OVOL2: variants seen among roughly 807,000 people sequenced by gnomAD.
OVOL2 encodes the protein transcription factor Ovo-like 2.
Under a neutral mutation model 18.1 loss-of-function variants are expected in OVOL2, and 13 were observed. The observed-to-expected ratio is 0.72, with a 90% confidence interval of 0.47 to 1.14. OVOL2 has a LOEUF of 1.14. OVOL2 is among the 50% of genes most tolerant of loss of function. The pLI, the probability that OVOL2 is intolerant of heterozygous loss-of-function variation, is 0.00. For missense variants in OVOL2, 335 were observed against 383.0 expected (o/e 0.87, Z 1.05); for synonymous variants, 166 against 162.7 (o/e 1.02, Z -0.16).
intron 2 of OVOL2, among the ~76,000 whole-genome samples, chr20:18,048,373 G>T (rs574259825): frequency 6.6e-6 from 1 of 152,022 alleles, no homozygotes; most frequent in Non-Finnish European, 1.5e-5. Flanking sequence ...AAAACAAAAC[G>T]AAACTAAAAA....
rs2036833807 is a variant in OVOL2 at position 18,056,907 on chromosome 20, A to G, written c.101-30T>C. ...GGAGGGAGGGGCCGCGCCCCGACACACACACTCGGCGTCAACCCGCACGCC... is the reference window on the plus strand; with the variant it reads ...GGAGGGAGGGGCCGCGCCCCGACACGCACACTCGGCGTCAACCCGCACGCC... On this transcript the variant is annotated intron_variant, in intron 1 of 3. Coordinates refer to ENST00000278780, the MANE Select transcript of OVOL2 (RefSeq NM_021220.4). The surrounding 1 kb of genome is among the most constrained non-coding windows in gnomAD (Gnocchi z 4.2). 2.7e-6 allele frequency: 4 copies of G among 1,472,724 alleles called. No individual in the cohort carries two copies. Among genetic ancestry groups the G allele is most frequent in the South Asian group, 1.3e-5 (1 of 77,182 alleles). The allele number at this position is 1,472,724 out of a possible 1,614,324, so 91.2% of individuals were successfully genotyped here.
intron 3 of OVOL2, among the ~76,000 whole-genome samples, chr20:18,037,149 A>T (rs1351090678): frequency 1.3e-5 from 2 of 151,272 alleles, no homozygotes; most frequent in Non-Finnish European, 3.0e-5. Flanking sequence ...AAAAAAAAAA[A>T]AAAAGAAAGA....
intron 3 of OVOL2, among the ~76,000 whole-genome samples, chr20:18,040,579 T>G (rs560178593): frequency 6.6e-6 from 1 of 152,056 alleles, no homozygotes; most frequent in African/African-American, 2.4e-5. Context: ...GTGTGGACAA[T>G]GGAGCTCAGG....
chr20:18,056,336 G>T lies in OVOL2; in HGVS notation c.321+321C>A, dbSNP rs918499002. On this transcript the variant is annotated intron_variant, in intron 2 of 3. Coordinates refer to ENST00000278780, the MANE Select transcript of OVOL2 (RefSeq NM_021220.4). This position sits in a 1 kb window ranked among gnomAD's most constrained non-coding sequence, Gnocchi z 4.2. Reference sequence around the variant, plus strand: ...ATTCTACAGGCCTAGCGCACAGAACGGGCTGCTGGCGGAAGGCAGTGATGC... The same window carrying T: ...ATTCTACAGGCCTAGCGCACAGAACTGGCTGCTGGCGGAAGGCAGTGATGC... 1.3e-5 allele frequency among the ~76,000 whole-genome samples: 2 copies of T among 152,248 alleles called. No homozygotes were observed.
Position 18,057,441 on chromosome 20 carries a change from G to A in OVOL2, c.100+94C>T. On this transcript the variant is annotated intron_variant, in intron 1 of 3. Transcript: ENST00000278780. The surrounding 1 kb of genome is among the most constrained non-coding windows in gnomAD (Gnocchi z 6.3). ...CCCCCGGAAGAGGGGGATGAGGTGG[G>A]GAGCCCGCCCCTGCCGATGAGCAGA... is the stretch of plus-strand genomic sequence containing the variant. 2 of 1,413,696 alleles carry A rather than the reference G, an allele frequency of 1.4e-6. No individual in the cohort carries two copies. The highest frequency in any genetic ancestry group is 1.9e-6 in the Non-Finnish European group (2 of 1,043,632). The allele number at this position is 1,413,696 out of a possible 1,614,324, so 87.6% of individuals were successfully genotyped here. A position where few individuals can be genotyped will look rare whatever the true frequency, so the allele number is the denominator to read the frequency against.
At position 18,057,242 on chromosome 20, in the gene OVOL2, G is replaced by A. The variant is rs1235618124; in HGVS notation, c.100+293C>T. ...CCCCCATGAGGACGTGAGATTGGGG[G>A]TAGCCTCTGCTGGCTTTCAATCCCT... On this transcript the variant is annotated intron_variant, in intron 1 of 3. Coordinates refer to ENST00000278780, the MANE Select transcript of OVOL2 (RefSeq NM_021220.4). The surrounding 1 kb of genome is among the most constrained non-coding windows in gnomAD (Gnocchi z 6.3). Among the ~76,000 whole-genome samples, 1 of 152,148 alleles carries A rather than the reference G, an allele frequency of 6.6e-6. No homozygotes were observed. Among genetic ancestry groups the A allele is most frequent in the African/African-American group, 2.4e-5 (1 of 41,428 alleles).
At position 18,024,788 on chromosome 20, in the gene OVOL2, G is replaced by T. The variant is rs1455590349; in HGVS notation, c.676C>A (p.Gln226Lys). The T allele has an allele frequency of 6.2e-7, 1 of 1,614,212 alleles. No individual in the cohort carries two copies. Among genetic ancestry groups the T allele is most frequent in the Non-Finnish European group, 8.5e-7 (1 of 1,180,042 alleles). Reference sequence around the variant, plus strand: ...TTCACGTGCAGGTACAGGTCCTCCTGGGTGGGGCCCGTGTAGCCGCAATCC... The same window carrying T: ...TTCACGTGCAGGTACAGGTCCTCCTTGGTGGGGCCCGTGTAGCCGCAATCC... ...CEDCGYTGPT[Q>K]EDLYLHVNSA... Residue 226 changes from glutamine to lysine, a missense_variant, in exon 4 of 4, where the codon CAG (glutamine) becomes AAG (lysine). Physicochemically the swap from Gln to Lys is moderately conservative, Grantham distance 53. Coordinates refer to ENST00000278780, the MANE Select transcript of OVOL2 (RefSeq NM_021220.4).
At chr20:18,047,265 C>T (rs1022923987) in intron 2 of OVOL2, among the ~76,000 whole-genome samples, 1 of 152,156 alleles carries the variant, frequency 6.6e-6, no homozygotes, top group Admixed American at 6.5e-5. Flanking sequence ...GTAATCCCAG[C>T]ACTTCAGGAG....
intron 2 of OVOL2, among the ~76,000 whole-genome samples, chr20:18,049,592 C>G (rs567760203): frequency 1.3e-5 from 2 of 149,558 alleles, no homozygotes; most frequent in African/African-American, 4.9e-5. Context: ...GACTTCACAA[C>G]TCCCCTACAT....
At chr20:18,037,784 C>T (rs145071170) in intron 3 of OVOL2, among the ~76,000 whole-genome samples, 47 of 152,242 alleles carry the variant, frequency 3.1e-4, no homozygotes, top group African/African-American at 9.1e-4. Context: ...ATTGAGCCTC[C>T]GCTGCCCGTA....
chr20:18,038,894 C>T (rs1039618424), intron 3 of OVOL2, among the ~76,000 whole-genome samples: 2 of 152,084 alleles, frequency 1.3e-5, no homozygotes, highest in Non-Finnish European at 1.5e-5. Context: ...CTCGAGACCT[C>T]CCCTAGGCCT....
chr20:18,048,358 T>TA (rs1168751003), intron 2 of OVOL2, among the ~76,000 whole-genome samples: 14 of 151,732 alleles, frequency 9.2e-5, no homozygotes, highest in African/African-American at 1.4e-4. Context: ...AAAGGGGAAC[T>TA]AAAAAAAACA....
chr20:18,048,802 T>C (rs916703582), intron 2 of OVOL2, among the ~76,000 whole-genome samples: 7 of 152,222 alleles, frequency 4.6e-5, no homozygotes, highest in African/African-American at 1.4e-4. Flanking sequence ...TGACCTGAGC[T>C]GATGTAAAAA....
Position 18,024,415 on chromosome 20 carries a change from G to C in OVOL2, c.*221C>G. 1.1e-6 allele frequency: 1 copy of C among 938,272 alleles called. No individual in the cohort carries two copies. The highest frequency in any genetic ancestry group is 1.4e-6 in the Non-Finnish European group (1 of 692,894). 58.1% of individuals were successfully genotyped at this position (938,272 alleles called of 1,614,324 possible). On this transcript the variant is annotated 3_prime_UTR_variant, in exon 4 of 4. Coordinates refer to ENST00000278780, the MANE Select transcript of OVOL2 (RefSeq NM_021220.4). ...ATCATGAAAACAAACTTTGGTGAAT[G>C]TGAGCAACTGCGCCAGACAGGACAC...
chr20:18,034,643 TCTCTCTCTCACA>T (rs1314970460), intron 3 of OVOL2, among the ~76,000 whole-genome samples: 1 of 150,902 alleles, frequency 6.6e-6, no homozygotes, highest in Non-Finnish European at 1.5e-5. Flanking sequence ...TCTCTCTCTC[TCTCTCTCTCACA>T]CACACACACA....
At chr20:18,052,528 T>C (rs1463878838) in intron 2 of OVOL2, among the ~76,000 whole-genome samples, 7 of 152,044 alleles carry the variant, frequency 4.6e-5, no homozygotes, top group Non-Finnish European at 1.0e-4. Flanking sequence ...GGACTGGCCA[T>C]GGGTTAATGG....
intron 3 of OVOL2, among the ~76,000 whole-genome samples, chr20:18,033,938 A>C (rs2036592648): frequency 6.6e-6 from 1 of 152,166 alleles, no homozygotes; most frequent in African/African-American, 2.4e-5. Flanking sequence ...ATATCCTATA[A>C]ATATAAAGGC....
chr20:18,030,076 C>T (rs568706007), intron 3 of OVOL2, among the ~76,000 whole-genome samples: 31 of 152,332 alleles, frequency 2.0e-4, no homozygotes, highest in African/African-American at 7.5e-4. Flanking sequence ...AATGGATGAA[C>T]TCTGTTGGTT....
chr20:18,041,748 G>T (rs1259207836), intron 2 of OVOL2, 25 bp from the exon 3 acceptor site: 5 of 1,596,036 alleles, frequency 3.1e-6, no homozygotes, highest in Non-Finnish European at 4.3e-6. Context: ...AGGCCATGAG[G>T]GTCCCCGGGC....
Sources: gnomAD v4.1 joint callset for allele counts (sites outside exome capture counted in the v4.1 genomes callset) on GRCh38, gnomAD v4.1.1 for gene constraint, Gnocchi (gnomAD v3.1) non-coding constraint, MANE v1.5 for transcripts, NCBI Gene and HGNC (gene_info 2026-07-23, HGNC 2026-07-21) for gene names.